HIRA: variants seen among roughly 807,000 people sequenced by gnomAD.
HIRA encodes the protein histone cell cycle regulator.
Under a neutral mutation model 126.6 loss-of-function variants are expected in HIRA, and 13 were observed. That is an observed-to-expected ratio of 0.10 (90% CI 0.07 to 0.16). The LOEUF is 0.16. Among genes scored for constraint, HIRA ranks in the 10% least tolerant of loss-of-function variants. The pLI, the probability that HIRA is intolerant of heterozygous loss-of-function variation, is 1.00. For synonymous variants in HIRA, 511 were observed against 520.0 expected, an observed-to-expected ratio of 0.98 and a Z score of 0.24; for missense variants, 834 against 1,314.4, an observed-to-expected ratio of 0.63 and a Z score of 5.65.
At chr22:19,360,327 A>G (rs922236977) in intron 17 of HIRA, among the ~76,000 whole-genome samples, 4 of 152,090 alleles carry the variant, frequency 2.6e-5, no homozygotes, top group Admixed American at 6.5e-5. Flanking sequence ...CCAGGAGGGA[A>G]CCTAAGTCAG....
At chr22:19,355,951 G>T in intron 20 of HIRA, 86 bp from the exon 21 acceptor site, 2 of 952,698 alleles carry the variant, frequency 2.1e-6, no homozygotes, top group Non-Finnish European at 3.3e-6. Flanking sequence ...TGTACTCTAG[G>T]CTCCCACAGT....
chr22:19,368,984 C>T lies in HIRA; in HGVS notation c.1775+6647G>A, dbSNP rs531428013. Among the ~76,000 whole-genome samples the T allele has an allele frequency of 6.4e-4, 97 of 152,326 alleles. 2 individuals are homozygous for T. In the South Asian group the frequency reaches 0.02, roughly 32 times the overall value. On this transcript the variant is annotated intron_variant, in intron 15 of 24. Coordinates refer to ENST00000263208, the MANE Select transcript of HIRA (RefSeq NM_003325.4). ...CCACTGGGAACTGCACCTCCCCAGC[C>T]TGCATGTGGGCTTGTATCAGTTGTT...
intron 9 of HIRA, among the ~76,000 whole-genome samples, chr22:19,390,946 G>C (rs1026556386): frequency 6.7e-6 from 1 of 148,322 alleles, no homozygotes; most frequent in Non-Finnish European, 1.5e-5. Flanking sequence ...GCTGACACTT[G>C]GTACTATTTT....
intron 13 of HIRA, 134 bp downstream of exon 13, chr22:19,383,486 A>G: frequency 1.4e-6 from 1 of 722,272 alleles, no homozygotes; most frequent in Non-Finnish European, 2.4e-6. Context: ...GCTGAGCTTC[A>G]CTTCCTTGCT....
intron 7 of HIRA, among the ~76,000 whole-genome samples, chr22:19,395,980 G>A (rs137974249): frequency 1.2e-3 from 176 of 152,260 alleles, no homozygotes; most frequent in African/African-American, 4.0e-3. Context: ...CTCCAAACAT[G>A]TGCAAACTGT....
At position 19,354,571 on chromosome 22, in the gene HIRA, C is replaced by A. The variant is rs538252932; in HGVS notation, c.2562-453G>T. ...CAGACTGGCAGTCCTTCCACCTTCT[C>A]TGGACCCTTCTCATCCTTGTGAAGA... is the stretch of plus-strand genomic sequence containing the variant. On this transcript the variant is annotated intron_variant, in intron 21 of 24. Transcript: ENST00000263208. 3.3e-5 allele frequency among the ~76,000 whole-genome samples: 5 copies of A among 152,362 alleles called. No homozygotes were observed. The East Asian group carries it at 9.6e-4, about 29-fold the overall frequency.
chr22:19,386,534 T>G (rs980361200), intron 11 of HIRA, among the ~76,000 whole-genome samples: 14 of 152,230 alleles, frequency 9.2e-5, no homozygotes, highest in African/African-American at 3.1e-4. Flanking sequence ...GAGAGGTGCC[T>G]TGGGACCTGC....
At chr22:19,372,579 T>G (rs1601825564) in intron 15 of HIRA, among the ~76,000 whole-genome samples, 2 of 151,770 alleles carry the variant, frequency 1.3e-5, no homozygotes, top group African/African-American at 4.8e-5. Context: ...TAATTTTTTT[T>G]TTTTTTTTTT....
At chr22:19,384,031 C>G (rs2089100643) in intron 12 of HIRA, among the ~76,000 whole-genome samples, 1 of 152,074 alleles carries the variant, frequency 6.6e-6, no homozygotes, top group African/African-American at 2.4e-5. Context: ...TAAGAGGTAT[C>G]AGGCAGGCCA....
intron 3 of HIRA, among the ~76,000 whole-genome samples, chr22:19,407,480 AG>A: frequency 6.6e-6 from 1 of 152,240 alleles, no homozygotes; most frequent in Non-Finnish European, 1.5e-5. Context: ...AACAGTCTGG[AG>A]GGGGAAAAAT....
chr22:19,398,349 A>G (rs1027669671), intron 5 of HIRA, among the ~76,000 whole-genome samples: 5 of 152,234 alleles, frequency 3.3e-5, no homozygotes, highest in African/African-American at 1.2e-4. Flanking sequence ...ACACCCATGC[A>G]TGAGAGCCTG....
In HIRA at chr22:19,375,791, T is replaced by C. The variant is rs369731182; in HGVS notation, c.1615A>G (p.Met539Val). 25 of 1,613,960 alleles carry C rather than the reference T, an allele frequency of 1.5e-5. No homozygotes were observed. In the African/African-American group the frequency reaches 3.2e-4, roughly 21 times the overall value. Residue 539 changes from methionine (M) to valine (V), a missense_variant and splice_region_variant, in exon 15 of 25, where the codon ATG (methionine) becomes GTG (valine). Physicochemically the swap from Met to Val is conservative, Grantham distance 21 (BLOSUM62 1). Transcript: ENST00000263208. ...PAGDSVNKDS[M>V]NATSTPAALS... ...GCAGCAGGAGTAGAGGTAGCATTCATACTGGGGTGAAGAAGAGGGGAGGCA... is the reference window on the plus strand; with the variant it reads ...GCAGCAGGAGTAGAGGTAGCATTCACACTGGGGTGAAGAAGAGGGGAGGCA...
chr22:19,368,450 A>G (rs1246526291), intron 15 of HIRA, among the ~76,000 whole-genome samples: 2 of 152,020 alleles, frequency 1.3e-5, no homozygotes, highest in African/African-American at 4.8e-5. Flanking sequence ...TTTAAATGTC[A>G]GACATTTGCC....
chr22:19,417,968 G>A (rs2089413020), intron 1 of HIRA, among the ~76,000 whole-genome samples: 1 of 152,204 alleles, frequency 6.6e-6, no homozygotes, highest in Non-Finnish European at 1.5e-5. Context: ...GAACCTCAAA[G>A]ACATTATGGT....
intron 1 of HIRA, among the ~76,000 whole-genome samples, chr22:19,420,462 C>CAAAAAAAAAA (rs760003741): frequency 3.1e-5 from 2 of 63,580 alleles, no homozygotes; most frequent in South Asian, 5.6e-4. Context: ...AAAACTGTCT[C>CAAAAAAAAAA]AAAAAAAAAA....
At chr22:19,362,045 C>G in intron 15 of HIRA, 114 bp from the exon 16 acceptor site, 1 of 971,264 alleles carries the variant, frequency 1.0e-6, no homozygotes, top group Non-Finnish European at 1.5e-6. Flanking sequence ...AATTCTGTGT[C>G]CAGTGAAATT....
Position 19,391,367 on chromosome 22 carries a change from A to C in HIRA, c.936+734T>G, listed in dbSNP as rs181491985. Reference sequence around the variant, plus strand: ...AGGGAGGTCTTGACTGGGGAGGGACAAAGGGACAAAAAGGAGTGCTCTAGG... The same window carrying C: ...AGGGAGGTCTTGACTGGGGAGGGACCAAGGGACAAAAAGGAGTGCTCTAGG... On this transcript the variant is annotated intron_variant, in intron 9 of 24. Coordinates refer to ENST00000263208, the MANE Select transcript of HIRA (RefSeq NM_003325.4). Among the ~76,000 whole-genome samples the C allele has an allele frequency of 2.6e-3, 392 of 152,334 alleles. 3 individuals carry two copies. The Middle Eastern group carries it at 0.034, about 13-fold the overall frequency.
chr22:19,429,129 A>G (rs1265673678), intron 1 of HIRA, among the ~76,000 whole-genome samples: 1 of 136,936 alleles, frequency 7.3e-6, no homozygotes, highest in Middle Eastern at 3.8e-3. Context: ...CAGAGTTGCC[A>G]TATCTTTTTT....
intron 15 of HIRA, chr22:19,366,057 AAAT>A: frequency 6.6e-6 from 1 of 152,152 alleles, no homozygotes; most frequent in East Asian, 1.9e-4. Context: ...AATAAATTAA[AAAT>A]AATAATTAAA....
Sources: gnomAD v4.1 joint callset for allele counts (sites outside exome capture counted in the v4.1 genomes callset) on GRCh38, gnomAD v4.1.1 for gene constraint, MANE v1.5 for transcripts, NCBI Gene and HGNC (gene_info 2026-07-23, HGNC 2026-07-21) for gene names.